Variants in PTPRN2 observed in about 807,000 individuals in gnomAD.
PTPRN2 encodes protein tyrosine phosphatase receptor type N2.
A neutral mutation model predicts 118.8 loss-of-function variants in PTPRN2; 74 were observed. That is an observed-to-expected ratio of 0.62 (90% CI 0.52 to 0.76). PTPRN2 has a LOEUF of 0.76. Among genes scored for constraint, PTPRN2 ranks in the 30% least tolerant of loss-of-function variants. The probability of loss-of-function intolerance (pLI) is 0.00; values close to 1 mark genes in which losing one functional copy is unlikely to be tolerated. For synonymous variants in PTPRN2, 641 were observed against 608.0 expected (o/e 1.05, Z -0.80); for missense variants, 1,481 against 1,394.4 (o/e 1.06, Z -0.99).
rs538244070 is a variant in PTPRN2 at position 157,729,849 on chromosome 7, C to G, written c.1789-46912G>C. The stretch of plus-strand genomic sequence containing the variant: ...AGCGGCAGGCGGATGAGGGAAGGAC[C>G]GTCCATTTGACTGGGCCACAGGTGT... On this transcript the variant is annotated intron_variant, in intron 12 of 22. Transcript: ENST00000389418. The surrounding 1 kb of genome is among the most constrained non-coding windows in gnomAD (Gnocchi z 4.3). Among the ~76,000 whole-genome samples the G allele has an allele frequency of 6.6e-6, 1 of 152,112 alleles. No homozygotes were observed. Among genetic ancestry groups the G allele is most frequent in the African/African-American group, 2.4e-5 (1 of 41,420 alleles).
At chr7:158,412,284 A>G (rs1268250221) in intron 2 of PTPRN2, among the ~76,000 whole-genome samples, 1 of 62,034 alleles carries the variant, frequency 1.6e-5, no homozygotes. Context: ...CCATCTCAGC[A>G]CCCTCCTCAA....
chr7:158,342,014 C>T (rs1474340453), intron 2 of PTPRN2, among the ~76,000 whole-genome samples: 2 of 147,376 alleles, frequency 1.4e-5, no homozygotes, highest in African/African-American at 5.1e-5. Flanking sequence ...GCAGACGTCA[C>T]TCACACCCAC....
intron 10 of PTPRN2, among the ~76,000 whole-genome samples, chr7:158,101,204 C>G (rs1235984318): frequency 6.6e-6 from 1 of 152,058 alleles, no homozygotes; most frequent in Non-Finnish European, 1.5e-5. Context: ...AATAGAGAAC[C>G]CAGAAATAAA....
At chr7:158,129,698 T>C (rs1438903601) in intron 9 of PTPRN2, among the ~76,000 whole-genome samples, 2 of 152,132 alleles carry the variant, frequency 1.3e-5, no homozygotes, top group African/African-American at 4.8e-5. Flanking sequence ...TAGGAATCGG[T>C]CATGATAATG....
intron 2 of PTPRN2, among the ~76,000 whole-genome samples, chr7:158,444,313 C>T (rs1486649893): frequency 2.6e-5 from 4 of 152,276 alleles, no homozygotes; most frequent in Non-Finnish European, 5.9e-5. Context: ...GAGCCCCAGC[C>T]GGCCGTGAGC....
chr7:158,080,466 A>T (rs1812731599), intron 11 of PTPRN2, among the ~76,000 whole-genome samples: 1 of 152,072 alleles, frequency 6.6e-6, no homozygotes, highest in East Asian at 1.9e-4. Context: ...CTGCCTGCGG[A>T]ATGGCCCTAA....
chr7:157,727,535 A>C (rs1170380422), intron 12 of PTPRN2, among the ~76,000 whole-genome samples: 2 of 152,020 alleles, frequency 1.3e-5, no homozygotes, highest in East Asian at 3.9e-4. Flanking sequence ...TGGGGGGAGG[A>C]ACAGGGGTCA....
At chr7:157,774,602 A>G (rs1049547297) in intron 12 of PTPRN2, among the ~76,000 whole-genome samples, 3 of 152,200 alleles carry the variant, frequency 2.0e-5, no homozygotes, top group Admixed American at 6.5e-5. Flanking sequence ...GTGTGCGTGG[A>G]GGGTGACAGT....
At position 158,500,051 on chromosome 7, in the gene PTPRN2, A is replaced by AG. The variant is rs1249131088; in HGVS notation, c.113-10267dup. On this transcript the variant is annotated intron_variant, in intron 1 of 22. Coordinates refer to ENST00000389418, the MANE Select transcript of PTPRN2 (RefSeq NM_002847.5). ...CTTGAGCTAAAAAAAAAAAAAAAAA[A>AG]GGTTTATTTTGAAAACTTTATTTTT... Among the ~76,000 whole-genome samples, 53 of 148,148 alleles carry AG rather than the reference A, an allele frequency of 3.6e-4. 1 individual carries two copies. The highest frequency in any genetic ancestry group is 7.1e-3 in the Middle Eastern group (2 of 282).
At chr7:157,841,811 T>C (rs1808442369) in intron 12 of PTPRN2, among the ~76,000 whole-genome samples, 1 of 152,176 alleles carries the variant, frequency 6.6e-6, no homozygotes, top group South Asian at 2.1e-4. Flanking sequence ...GCTGGGGACG[T>C]CCTCTCTGGT....
intron 11 of PTPRN2, among the ~76,000 whole-genome samples, chr7:157,912,504 TA>T (rs1798157175): frequency 6.6e-6 from 1 of 152,216 alleles, no homozygotes; most frequent in Non-Finnish European, 1.5e-5. Context: ...CAGTCTAATT[TA>T]TCATTTTCTT....
At chr7:158,110,402 TC>T in intron 10 of PTPRN2, among the ~76,000 whole-genome samples, 2 of 152,260 alleles carry the variant, frequency 1.3e-5, no homozygotes, top group South Asian at 4.2e-4. Context: ...CTGCAGAGAC[TC>T]GGGATCCAAA....
chr7:157,994,474 C>T (rs1057159443), intron 11 of PTPRN2, among the ~76,000 whole-genome samples: 3 of 141,778 alleles, frequency 2.1e-5, no homozygotes, highest in African/African-American at 7.6e-5. Flanking sequence ...AGAGCGAGCG[C>T]CTTCCACTTT....
intron 12 of PTPRN2, among the ~76,000 whole-genome samples, chr7:157,860,892 C>A (rs377524625): frequency 6.6e-6 from 1 of 152,234 alleles, no homozygotes; most frequent in African/African-American, 2.4e-5. Context: ...TAGTTTTTCA[C>A]GGAACTGACC....
chr7:158,235,436 A>G (rs1829468805), intron 3 of PTPRN2, among the ~76,000 whole-genome samples: 1 of 152,246 alleles, frequency 6.6e-6, no homozygotes, highest in South Asian at 2.1e-4. Context: ...CAAGCCTGTC[A>G]TAGGCACCAA....
At chr7:157,565,568 A>G (rs1343414440) in intron 21 of PTPRN2, among the ~76,000 whole-genome samples, 3 of 152,202 alleles carry the variant, frequency 2.0e-5, no homozygotes, top group African/African-American at 4.8e-5. Flanking sequence ...CAGCCACTGC[A>G]TTTCTGTGCT....
chr7:158,270,998 A>ATCCACCTGGACCACCCCC (rs1798443532), intron 3 of PTPRN2, among the ~76,000 whole-genome samples: 3 of 13,494 alleles, frequency 2.2e-4, no homozygotes, highest in Admixed American at 9.1e-4. Context: ...GGGCCTCCCC[A>ATCCACCTGGACCACCCCC]TCCACCTGGA....
At chr7:158,465,836 T>C (rs1463661926) in intron 2 of PTPRN2, among the ~76,000 whole-genome samples, 1 of 152,186 alleles carries the variant, frequency 6.6e-6, no homozygotes, top group Non-Finnish European at 1.5e-5. Flanking sequence ...CACGTAAGCC[T>C]AGAACCCAGA....
At position 158,586,602 on chromosome 7, in the gene PTPRN2, C is replaced by G. The variant is rs576622592; in HGVS notation, c.112+956G>C. On this transcript the variant is annotated intron_variant, in intron 1 of 22. Transcript: ENST00000389418. ...ACAAGATTAGCAGGAAAGGAGGTGC[C>G]GGGGACTGGAGGTTTTATGGGTTTA... Among the ~76,000 whole-genome samples, 65 of 152,372 alleles carry G rather than the reference C, an allele frequency of 4.3e-4. 2 individuals carry two copies. In the South Asian group the frequency reaches 0.013, roughly 30 times the overall value.
Sources: gnomAD v4.1 joint callset for allele counts (sites outside exome capture counted in the v4.1 genomes callset) on GRCh38, gnomAD v4.1.1 for gene constraint, Gnocchi (gnomAD v3.1) non-coding constraint, MANE v1.5 for transcripts, NCBI Gene and HGNC (gene_info 2026-07-23, HGNC 2026-07-21) for gene names.